The following DACH1 variants were observed in gnomAD, a reference collection of about 807,000 sequenced individuals.
The protein encoded by DACH1 is dachshund homolog 1.
In DACH1, 12 loss-of-function variants were observed where a neutral mutation model predicts 54.2. The observed-to-expected ratio is 0.22, with a 90% CI of 0.14 to 0.36. DACH1 has a LOEUF of 0.36. DACH1 is among the 10% of genes least tolerant of loss of function. DACH1 has a pLI of 1.00. For synonymous variants in DACH1, 386 were observed against 366.2 expected (o/e 1.05, Z -0.62); for missense variants, 805 against 929.8 (o/e 0.87, Z 1.75).
intron 3 of DACH1, among the ~76,000 whole-genome samples, chr13:71,591,652 A>G (rs1279217401): frequency 6.6e-6 from 1 of 152,094 alleles, no homozygotes; most frequent in Non-Finnish European, 1.5e-5. Flanking sequence ...AGTAAATAAT[A>G]TATTAGTATT....
chr13:71,815,160 C>T (rs1887860333), intron 1 of DACH1, among the ~76,000 whole-genome samples: 1 of 152,182 alleles, frequency 6.6e-6, no homozygotes, highest in Non-Finnish European at 1.5e-5. Context: ...AGCTAGTTGA[C>T]ATTTGGGGAT....
intron 6 of DACH1, among the ~76,000 whole-genome samples, chr13:71,538,687 AT>A (rs1275231874): frequency 6.6e-6 from 1 of 152,122 alleles, no homozygotes; most frequent in Non-Finnish European, 1.5e-5. Flanking sequence ...TTTTTAGGAA[AT>A]GCAAACAGCA....
chr13:71,755,285 A>C (rs1161277866), intron 1 of DACH1, among the ~76,000 whole-genome samples: 4 of 152,218 alleles, frequency 2.6e-5, no homozygotes, highest in East Asian at 3.9e-4. Flanking sequence ...TGGATATTAA[A>C]GCTGCAATAC....
At chr13:71,568,068 C>T (rs751734892) in intron 4 of DACH1, among the ~76,000 whole-genome samples, 2 of 151,898 alleles carry the variant, frequency 1.3e-5, no homozygotes, top group Non-Finnish European at 2.9e-5. Context: ...TAAAGGAATA[C>T]ATCCTTTTAA....
chr13:71,629,659 A>G (rs1876936375), intron 3 of DACH1, among the ~76,000 whole-genome samples: 1 of 152,156 alleles, frequency 6.6e-6, no homozygotes, highest in Non-Finnish European at 1.5e-5. Context: ...AAAATGCTGC[A>G]TGGAAAAGAG....
intron 2 of DACH1, among the ~76,000 whole-genome samples, chr13:71,652,913 C>T (rs1023208793): frequency 6.6e-6 from 1 of 151,976 alleles, no homozygotes; most frequent in Non-Finnish European, 1.5e-5. Context: ...AAGTGGACCG[C>T]GATGACCAGT....
At chr13:71,630,290 A>G (rs925027493) in intron 3 of DACH1, among the ~76,000 whole-genome samples, 1 of 152,194 alleles carries the variant, frequency 6.6e-6, no homozygotes, top group Non-Finnish European at 1.5e-5. Flanking sequence ...ACTTTGTATT[A>G]TAAAAGATGT....
chr13:71,534,282 T>C (rs1357444097), intron 6 of DACH1, among the ~76,000 whole-genome samples: 2 of 152,042 alleles, frequency 1.3e-5, no homozygotes, highest in East Asian at 1.9e-4. Context: ...ATGAAATACA[T>C]AAATCGAAGG....
intron 4 of DACH1, among the ~76,000 whole-genome samples, chr13:71,571,622 A>C (rs967023129): frequency 6.6e-6 from 1 of 152,138 alleles, no homozygotes; most frequent in African/African-American, 2.4e-5. Flanking sequence ...TTGATACTAC[A>C]GAAAATGACC....
chr13:71,657,723 G>A (rs1453719819), intron 2 of DACH1, among the ~76,000 whole-genome samples: 1 of 151,930 alleles, frequency 6.6e-6, no homozygotes. Context: ...ACAGAAACAT[G>A]CCTCATGAGT....
At chr13:71,817,733 A>G (rs1014612347) in intron 1 of DACH1, among the ~76,000 whole-genome samples, 4 of 151,976 alleles carry the variant, frequency 2.6e-5, no homozygotes, top group Non-Finnish European at 5.9e-5. Context: ...AATAAAATAT[A>G]TGATTAAAAT....
At chr13:71,503,691 G>C (rs142056600) in intron 6 of DACH1, among the ~76,000 whole-genome samples, 156 of 152,298 alleles carry the variant, frequency 1.0e-3, no homozygotes, top group African/African-American at 3.6e-3. Context: ...ACTATTGGCT[G>C]TTTTGGGCAA....
At chr13:71,455,533 A>G (rs1875485945) in intron 10 of DACH1, among the ~76,000 whole-genome samples, 1 of 152,278 alleles carries the variant, frequency 6.6e-6, no homozygotes, top group African/African-American at 2.4e-5. Flanking sequence ...AATAAAAACA[A>G]TAATTCGAAA....
intron 3 of DACH1, among the ~76,000 whole-genome samples, chr13:71,619,602 A>G (rs1353736404): frequency 6.6e-6 from 1 of 151,984 alleles, no homozygotes; most frequent in Non-Finnish European, 1.5e-5. Flanking sequence ...AAGACAGTAG[A>G]TATATCTATA....
At chr13:71,711,685 C>G (rs1300488518) in intron 1 of DACH1, among the ~76,000 whole-genome samples, 1 of 151,882 alleles carries the variant, frequency 6.6e-6, no homozygotes, top group Non-Finnish European at 1.5e-5. Context: ...AAAGAATAAG[C>G]AATATGGGGA....
intron 4 of DACH1, among the ~76,000 whole-genome samples, chr13:71,563,785 G>A (rs1332018620): frequency 6.6e-6 from 1 of 151,396 alleles, no homozygotes. Context: ...TGCTTTAATT[G>A]TAGTTTTGTG....
chr13:71,798,017 A>C (rs1887126607), intron 1 of DACH1, among the ~76,000 whole-genome samples: 1 of 152,090 alleles, frequency 6.6e-6, no homozygotes, highest in Admixed American at 6.6e-5. Context: ...CTCCACTTTA[A>C]GTCCCCAGAT....
intron 1 of DACH1, among the ~76,000 whole-genome samples, chr13:71,784,939 A>C (rs1594218150): frequency 6.6e-6 from 1 of 152,144 alleles, no homozygotes; most frequent in Admixed American, 6.6e-5. Flanking sequence ...GTCTATAATA[A>C]ATAGTAATGA....
chr13:71,706,887 A>T lies in DACH1; in HGVS notation c.849-24977T>A, dbSNP rs180770372. ...ATCTGCCTCGGTACAGTAAGAGTTT[A>T]CTGTCGCTATTTAAACTGTTTTAAA... On this transcript the variant is annotated intron_variant, in intron 1 of 10. Coordinates refer to ENST00000613252, the MANE Select transcript of DACH1 (RefSeq NM_080759.6). Among the ~76,000 whole-genome samples, 10 of 152,320 alleles carry T rather than the reference A, an allele frequency of 6.6e-5. No homozygotes were observed. The East Asian group carries it at 1.9e-3, about 29-fold the overall frequency.
Sources: gnomAD v4.1 joint callset for allele counts (sites outside exome capture counted in the v4.1 genomes callset) on GRCh38, gnomAD v4.1.1 for gene constraint, MANE v1.5 for transcripts, NCBI Gene and HGNC (gene_info 2026-07-23, HGNC 2026-07-21) for gene names.